CNTN4: variants seen among roughly 807,000 people sequenced by gnomAD.
CNTN4 encodes contactin-4.
Under a neutral mutation model 122.5 loss-of-function variants are expected in CNTN4, and 77 were observed. That is an observed-to-expected ratio of 0.63 (90% CI 0.52 to 0.76). The LOEUF (loss-of-function observed/expected upper bound fraction) is 0.76. Ranked by LOEUF, CNTN4 falls within the 30% of genes least tolerant of loss-of-function variation. The pLI is 0.00. For synonymous variants in CNTN4, 512 were observed against 447.0 expected (o/e 1.15, Z -1.83); for missense variants, 1,256 against 1,259.1 (o/e 1.00, Z 0.04).
At chr3:2,689,363 C>G (rs1168169617) in intron 4 of CNTN4, among the ~76,000 whole-genome samples, 3 of 152,156 alleles carry the variant, frequency 2.0e-5, no homozygotes, top group African/African-American at 7.2e-5. Flanking sequence ...ACATCAGTAG[C>G]TTGGATAGCA....
At chr3:2,189,155 A>G (rs951794317) in intron 2 of CNTN4, among the ~76,000 whole-genome samples, 1 of 152,092 alleles carries the variant, frequency 6.6e-6, no homozygotes, top group African/African-American at 2.4e-5. Flanking sequence ...TATGACTCAT[A>G]TCTTCAAATG....
At chr3:2,500,453 G>T (rs1363851144) in intron 3 of CNTN4, among the ~76,000 whole-genome samples, 4 of 151,988 alleles carry the variant, frequency 2.6e-5, no homozygotes, top group Non-Finnish European at 5.9e-5. Context: ...TTTTTCTTAA[G>T]TGTTTGAAAA....
chr3:2,117,124 A>G (rs374854145), intron 2 of CNTN4, among the ~76,000 whole-genome samples: 6 of 152,282 alleles, frequency 3.9e-5, no homozygotes, highest in African/African-American at 1.4e-4. Flanking sequence ...CCTACTCCCA[A>G]TGCCACAGGC....
At chr3:2,806,857 A>T (rs1451420049) in intron 6 of CNTN4, among the ~76,000 whole-genome samples, 1 of 152,172 alleles carries the variant, frequency 6.6e-6, no homozygotes, top group South Asian at 2.1e-4. Flanking sequence ...ATCCTCCCAC[A>T]CTTAGAAGTA....
At chr3:2,648,400 T>C (rs1312124046) in intron 4 of CNTN4, among the ~76,000 whole-genome samples, 1 of 152,214 alleles carries the variant, frequency 6.6e-6, no homozygotes, top group African/African-American at 2.4e-5. Context: ...CAACAGCATG[T>C]GCTTACTTTG....
intron 3 of CNTN4, among the ~76,000 whole-genome samples, chr3:2,425,441 G>A (rs1305062303): frequency 6.6e-6 from 1 of 152,034 alleles, no homozygotes; most frequent in Non-Finnish European, 1.5e-5. Flanking sequence ...TCTCTGTTTT[G>A]GTACCAGTAC....
At chr3:2,708,741 A>G (rs1466384381) in intron 4 of CNTN4, among the ~76,000 whole-genome samples, 1 of 30,184 alleles carries the variant, frequency 3.3e-5, no homozygotes, top group Non-Finnish European at 9.9e-5. Flanking sequence ...ACACACACAC[A>G]CACACACACA....
chr3:2,533,550 G>A (rs577039185), intron 3 of CNTN4, among the ~76,000 whole-genome samples: 129 of 152,224 alleles, frequency 8.5e-4, no homozygotes, highest in African/African-American at 3.0e-3. Flanking sequence ...GGACATTTGG[G>A]TTGGTTCCAA....
chr3:2,330,343 G>A (rs946094916), intron 2 of CNTN4, among the ~76,000 whole-genome samples: 13 of 152,114 alleles, frequency 8.5e-5, no homozygotes, highest in East Asian at 1.9e-4. Flanking sequence ...TTTTTATGGC[G>A]ACTTCACTAT....
intron 13 of CNTN4, among the ~76,000 whole-genome samples, chr3:2,943,626 A>ATTT (rs1466738837): frequency 3.6e-4 from 21 of 58,542 alleles, no homozygotes; most frequent in South Asian, 1.8e-3. Flanking sequence ...ATATATATAT[A>ATTT]TATATTTTTT....
chr3:3,037,510 C>A, intron 18 of CNTN4, 182 bp downstream of exon 18: 1 of 785,538 alleles, frequency 1.3e-6, no homozygotes, highest in South Asian at 1.5e-5. Context: ...CAACGGGTTT[C>A]AATCAAGAGT....
rs1700029540 is a variant in CNTN4 at position 3,040,287 on chromosome 3, C to T, written c.2398+16C>T. 1.3e-6 allele frequency: 2 copies of T among 1,534,580 alleles called. No individual in the cohort carries two copies. Among genetic ancestry groups the T allele is most frequent in the East Asian group, 4.5e-5 (2 of 44,494 alleles). ...GCAGAAGAAGGTATCGTTTATGCTG[C>T]CTAGATCATTGACTGTTAATATTTC... On this transcript the variant is annotated intron_variant, in intron 20 of 24. Transcript: ENST00000418658.
At chr3:2,410,057 T>A (rs2047175813) in intron 3 of CNTN4, among the ~76,000 whole-genome samples, 1 of 152,214 alleles carries the variant, frequency 6.6e-6, no homozygotes, top group South Asian at 2.1e-4. Context: ...TATATGCAGT[T>A]TCATTTACCG....
intron 4 of CNTN4, among the ~76,000 whole-genome samples, chr3:2,670,707 G>C (rs2084456867): frequency 6.6e-6 from 1 of 152,132 alleles, no homozygotes. Flanking sequence ...TTTACAATTT[G>C]GCATGTTTTT....
At chr3:2,137,121 C>G (rs1371857310) in intron 2 of CNTN4, among the ~76,000 whole-genome samples, 3 of 152,022 alleles carry the variant, frequency 2.0e-5, no homozygotes, top group Non-Finnish European at 2.9e-5. Context: ...TAAATAAATT[C>G]TCTAGCCAGG....
chr3:2,376,898 C>T (rs933152720), intron 3 of CNTN4, among the ~76,000 whole-genome samples: 1 of 151,974 alleles, frequency 6.6e-6, no homozygotes, highest in Non-Finnish European at 1.5e-5. Context: ...TGGCTCACGC[C>T]TGTAATCCCA....
chr3:2,170,695 C>T (rs1030603136), intron 2 of CNTN4, among the ~76,000 whole-genome samples: 1 of 151,832 alleles, frequency 6.6e-6, no homozygotes, highest in Admixed American at 6.6e-5. Flanking sequence ...GTGAACAGAG[C>T]CTTTTGGAAG....
At chr3:2,744,387 A>AG (rs1559455802) in intron 5 of CNTN4, among the ~76,000 whole-genome samples, 1 of 152,154 alleles carries the variant, frequency 6.6e-6, no homozygotes, top group Non-Finnish European at 1.5e-5. Flanking sequence ...CACACACACA[A>AG]ATATTTAAAT....
At chr3:2,866,659 G>A in intron 7 of CNTN4, 93 bp from the exon 8 acceptor site, 1 of 1,295,920 alleles carries the variant, frequency 7.7e-7, no homozygotes, top group Non-Finnish European at 1.1e-6. Flanking sequence ...GGACAACAAT[G>A]TATACATTTT....
Sources: gnomAD v4.1 joint callset for allele counts (sites outside exome capture counted in the v4.1 genomes callset) on GRCh38, gnomAD v4.1.1 for gene constraint, MANE v1.5 for transcripts, NCBI Gene and HGNC (gene_info 2026-07-23, HGNC 2026-07-21) for gene names.